Variants in CBX1 observed in about 807,000 individuals in gnomAD.
CBX1 encodes chromobox 1.
Under a neutral mutation model 25.1 loss-of-function variants are expected in CBX1, and 10 were observed. The observed-to-expected ratio is 0.40, with a 90% CI of 0.25 to 0.68. The LOEUF (loss-of-function observed/expected upper bound fraction) is 0.68, where lower values mean the gene tolerates loss of function less well. CBX1 is among the 30% of genes least tolerant of loss of function. The pLI, the probability that CBX1 is intolerant of heterozygous loss-of-function variation, is 0.40. For missense variants in CBX1, 106 were observed against 218.5 expected (o/e 0.49, Z 3.25); for synonymous variants, 63 against 79.4 (o/e 0.79, Z 1.10).
At chr17:48,082,501 CAAAAAA>C (rs572999255) in intron 1 of CBX1, among the ~76,000 whole-genome samples, 44 of 53,762 alleles carry the variant, frequency 8.2e-4, no homozygotes, top group South Asian at 3.6e-3. Flanking sequence ...GACTCCATCT[CAAAAAA>C]AAAAAAAAAA....
intron 1 of CBX1, among the ~76,000 whole-genome samples, chr17:48,086,406 CATGAACT>C (rs1197080187): frequency 6.6e-6 from 1 of 152,196 alleles, no homozygotes; most frequent in Non-Finnish European, 1.5e-5. Context: ...CCACCATAAA[CATGAACT>C]ATGAAGTGCT....
In CBX1 at chr17:48,096,464, T is replaced by C. The variant is rs759845237; in HGVS notation, c.-38+4804A>G. 3.6e-5 allele frequency: 28 copies of C among 771,832 alleles called. 1 individual carries two copies. In the South Asian group the frequency reaches 5.3e-4, roughly 15 times the overall value. The allele number at this position is 771,832 out of a possible 1,614,324, so 47.8% of individuals were successfully genotyped here. A position where few individuals can be genotyped will look rare whatever the true frequency, so the allele number is the denominator to read the frequency against. ...AAGCTAGACCAGAATTATGACTACATTGGAAACGTATCAGAACACCACAGT... is the reference window on the plus strand; with the variant it reads ...AAGCTAGACCAGAATTATGACTACACTGGAAACGTATCAGAACACCACAGT... On this transcript the variant is annotated intron_variant, in intron 1 of 4. Transcript: ENST00000225603.
intron 3 of CBX1, 24 bp from the exon 4 acceptor site, chr17:48,075,124 C>A: frequency 5.4e-6 from 8 of 1,489,982 alleles, no homozygotes; most frequent in Non-Finnish European, 7.5e-6. Context: ...ATGGGTAGAA[C>A]AATTTTATCT....
chr17:48,098,169 T>C (rs1468396182), intron 1 of CBX1, among the ~76,000 whole-genome samples: 1 of 152,038 alleles, frequency 6.6e-6, no homozygotes, highest in Non-Finnish European at 1.5e-5. Flanking sequence ...GAGGACTGCT[T>C]GTGTCCAGGA....
chr17:48,085,943 A>G (rs773156910), intron 1 of CBX1, among the ~76,000 whole-genome samples: 8 of 152,138 alleles, frequency 5.3e-5, no homozygotes, highest in Non-Finnish European at 7.3e-5. Context: ...GGTGGCATGC[A>G]CCTGTAGTCC....
rs543123998 is a variant in CBX1, at chr17:48,100,137, C to CAAAAAAA, written c.-38+1124_-38+1130dup. On this transcript the variant is annotated intron_variant, in intron 1 of 4. Transcript: ENST00000225603. ...CTGGGCAACAGAGGAAGACTCTTCTCAAAAAAAAAAAAAAAAAGAGGTAAA... is the reference window on the plus strand; with the variant it reads ...CTGGGCAACAGAGGAAGACTCTTCTCAAAAAAAAAAAAAAAAAAAAAAAAGAGGTAAA... 1.8e-4 allele frequency among the ~76,000 whole-genome samples: 10 copies of CAAAAAAA among 56,894 alleles called. 2 individuals carry two copies. Among genetic ancestry groups the CAAAAAAA allele is most frequent in the African/African-American group, 3.0e-4 (5 of 16,872 alleles). 37.3% of individuals were successfully genotyped at this position (56,894 alleles called of 152,430 possible).
At chr17:48,098,276 C>CAAAA (rs1453552025) in intron 1 of CBX1, among the ~76,000 whole-genome samples, 1 of 151,608 alleles carries the variant, frequency 6.6e-6, no homozygotes, top group East Asian at 1.9e-4. Flanking sequence ...AACAAACAAA[C>CAAAA]AAACAAAAAG....
intron 1 of CBX1, among the ~76,000 whole-genome samples, chr17:48,094,172 G>A (rs1025851412): frequency 6.9e-6 from 1 of 145,420 alleles, no homozygotes; most frequent in Non-Finnish European, 1.5e-5. Context: ...AGTGGCTCAT[G>A]CTTGTAATCC....
intron 1 of CBX1, among the ~76,000 whole-genome samples, chr17:48,082,261 G>T (rs377449525): frequency 2.0e-5 from 3 of 152,026 alleles, no homozygotes. Context: ...CCAGCACTTT[G>T]GGAGGCTGAG....
chr17:48,076,450 G>C (rs2037675336), intron 2 of CBX1, among the ~76,000 whole-genome samples: 1 of 152,128 alleles, frequency 6.6e-6, no homozygotes, highest in Non-Finnish European at 1.5e-5. Context: ...CATGCTTGTA[G>C]TCCCAACACT....
chr17:48,080,836 G>T (rs1410764719), intron 1 of CBX1, among the ~76,000 whole-genome samples: 4 of 136,646 alleles, frequency 2.9e-5, no homozygotes, highest in Non-Finnish European at 4.6e-5. Context: ...CAGGAGAATT[G>T]CTTGAACCCG....
At position 48,078,874 on chromosome 17, in the gene CBX1, C is replaced by G. The variant is rs2037703857; in HGVS notation, c.-37-1833G>C. Among the ~76,000 whole-genome samples, 4 of 147,962 alleles carry G rather than the reference C, an allele frequency of 2.7e-5. 1 individual carries two copies. In the South Asian group the frequency reaches 8.6e-4, roughly 32 times the overall value. ...GCACAATCTCGGCTCACTGCAACCT[C>G]TGCCTCCCGGGTTCAAGTGATTCTC... On this transcript the variant is annotated intron_variant, in intron 1 of 4. Coordinates refer to ENST00000225603, the MANE Select transcript of CBX1 (RefSeq NM_001127228.2).
intron 4 of CBX1, 41 bp from the exon 5 acceptor site, chr17:48,071,620 G>A (rs542963262): frequency 1.3e-6 from 2 of 1,553,666 alleles, no homozygotes; most frequent in Non-Finnish European, 1.7e-6. Context: ...ACCAGGTGCT[G>A]GTGGTCTATC....
intron 1 of CBX1, among the ~76,000 whole-genome samples, chr17:48,078,383 G>A (rs1252003854): frequency 1.3e-5 from 2 of 151,944 alleles, no homozygotes; most frequent in East Asian, 3.9e-4. Context: ...TAGTAGAGAC[G>A]GGGTTTCACC....
At chr17:48,097,362 C>T (rs1567771185) in intron 1 of CBX1, among the ~76,000 whole-genome samples, 1 of 152,006 alleles carries the variant, frequency 6.6e-6, no homozygotes. Flanking sequence ...CACCTGTAAT[C>T]CCAACACTTT....
chr17:48,100,137 C>CAAAAAAAAAAA (rs543123998), intron 1 of CBX1, among the ~76,000 whole-genome samples: 3,472 of 56,202 alleles, frequency 0.062, 424 homozygotes, highest in African/African-American at 0.083. Context: ...AGACTCTTCT[C>CAAAAAAAAAAA]AAAAAAAAAA....
At chr17:48,079,034 T>C (rs1182481083) in intron 1 of CBX1, among the ~76,000 whole-genome samples, 2 of 151,744 alleles carry the variant, frequency 1.3e-5, no homozygotes, top group African/African-American at 4.8e-5. Flanking sequence ...CGTGACTTCG[T>C]GATTCACCCG....
chr17:48,090,593 T>C (rs1412227003), intron 1 of CBX1, among the ~76,000 whole-genome samples: 1 of 152,212 alleles, frequency 6.6e-6, no homozygotes, highest in African/African-American at 2.4e-5. Flanking sequence ...TTTTCAACAC[T>C]AGCCAGTGAT....
rs367790258 is a variant in CBX1, at chr17:48,085,888, G to A, written c.-37-8847C>T. 7.8e-4 allele frequency among the ~76,000 whole-genome samples: 118 copies of A among 152,154 alleles called. 2 individuals carry two copies. The South Asian group carries it at 0.022, about 29-fold the overall frequency. On this transcript the variant is annotated intron_variant, in intron 1 of 4. Transcript: ENST00000225603. ...TCAAGAAAAACCTGGCCAACGTGGC[G>A]AAACCTCGTCTCTACTAAAAATACA...
Sources: gnomAD v4.1 joint callset for allele counts (sites outside exome capture counted in the v4.1 genomes callset) on GRCh38, gnomAD v4.1.1 for gene constraint, MANE v1.5 for transcripts, NCBI Gene and HGNC (gene_info 2026-07-23, HGNC 2026-07-21) for gene names.